The following ALDH5A1 variants were observed in gnomAD, a reference collection of about 807,000 sequenced individuals.
ALDH5A1 encodes succinate-semialdehyde dehydrogenase, mitochondrial.
Under a neutral mutation model 54.7 loss-of-function variants are expected in ALDH5A1, and 33 were observed. The ratio of observed to expected loss-of-function variants is 0.60; its 90% CI spans 0.46 to 0.81. The LOEUF is 0.81. Ranked by LOEUF, ALDH5A1 falls within the 30% of genes least tolerant of loss-of-function variation. The probability of loss-of-function intolerance (pLI) is 0.00; values close to 1 mark genes in which losing one functional copy is unlikely to be tolerated. For missense variants in ALDH5A1, 657 were observed against 711.0 expected (o/e 0.92, Z 0.86); for synonymous variants, 294 against 292.7 (o/e 1.00, Z -0.05).
chr6:24,507,519 T>A (rs918998827), intron 4 of ALDH5A1, among the ~76,000 whole-genome samples: 3 of 152,078 alleles, frequency 2.0e-5, no homozygotes, highest in Non-Finnish European at 4.4e-5. Flanking sequence ...CTAGAATATG[T>A]CTTTGTGATG....
chr6:24,525,223 T>G (rs1408525229), intron 7 of ALDH5A1, among the ~76,000 whole-genome samples: 1 of 152,178 alleles, frequency 6.6e-6, no homozygotes, highest in Non-Finnish European at 1.5e-5. Context: ...GGGGTATTTT[T>G]GTTAAGTAGA....
chr6:24,501,910 TGTGG>T, intron 1 of ALDH5A1, among the ~76,000 whole-genome samples: 2 of 147,950 alleles, frequency 1.4e-5, no homozygotes, highest in Non-Finnish European at 3.0e-5. Flanking sequence ...TGTGTGTGTG[TGTGG>T]GTGTATATAT....
chr6:24,529,762 C>G (rs185994611), intron 8 of ALDH5A1, among the ~76,000 whole-genome samples: 8,032 of 123,602 alleles, frequency 0.065, 274 homozygotes, highest in African/African-American at 0.079. Flanking sequence ...ACCTCTGCCT[C>G]TTGGGTTCAA....
At chr6:24,530,280 T>A (rs1759908931) in intron 8 of ALDH5A1, among the ~76,000 whole-genome samples, 1 of 152,222 alleles carries the variant, frequency 6.6e-6, no homozygotes, top group African/African-American at 2.4e-5. Flanking sequence ...CCATCCCTGA[T>A]ATCTCCAGTG....
At position 24,535,998 on chromosome 6, in the gene ALDH5A1, A is replaced by C. The variant is rs925001727; in HGVS notation, c.*2286A>C. ...ATGGGTTCATAAATTGAGGCCAGAG[A>C]CTCATTGTATATCCTTGATCAATTT... On this transcript the variant is annotated 3_prime_UTR_variant, in exon 10 of 10. Coordinates refer to ENST00000357578, the MANE Select transcript of ALDH5A1 (RefSeq NM_001080.3). 2 of 152,120 alleles carry C rather than the reference A, an allele frequency of 1.3e-5. No individual in the cohort carries two copies. The highest frequency in any genetic ancestry group is 4.8e-5 in the African/African-American group (2 of 41,432). The allele number at this position is 152,120 out of a possible 1,614,324, so 9.4% of individuals were successfully genotyped here.
intron 1 of ALDH5A1, among the ~76,000 whole-genome samples, chr6:24,499,813 C>G (rs192679190): frequency 5.5e-4 from 83 of 152,226 alleles, no homozygotes; most frequent in African/African-American, 2.0e-3. Flanking sequence ...CGCCTGCCAC[C>G]ATGCCCGGGT....
At chr6:24,515,097 C>CTTTTATTTTTTTTTTTTTTTT in intron 4 of ALDH5A1, 70 bp from the exon 5 acceptor site, 2 of 1,311,226 alleles carry the variant, frequency 1.5e-6, no homozygotes, top group African/African-American at 1.9e-5. Context: ...ATTTATTTCT[C>CTTTTATTTTTTTTTTTTTTTT]TTTTCTTTTT....
At chr6:24,517,094 C>CT (rs1408849834) in intron 5 of ALDH5A1, among the ~76,000 whole-genome samples, 1 of 152,086 alleles carries the variant, frequency 6.6e-6, no homozygotes, top group Non-Finnish European at 1.5e-5. Flanking sequence ...GTAACCTCTG[C>CT]TTCCTGGGTT....
chr6:24,524,599 G>A (rs932262534), intron 7 of ALDH5A1, among the ~76,000 whole-genome samples: 3 of 152,162 alleles, frequency 2.0e-5, no homozygotes, highest in Non-Finnish European at 2.9e-5. Flanking sequence ...GGGAAGCCTC[G>A]AGGTTTGACA....
rs1193922749 is a variant in ALDH5A1, at chr6:24,533,490, C to T, written c.1403-17C>T. 1 of 1,613,336 alleles carries T rather than the reference C, an allele frequency of 6.2e-7. No individual in the cohort carries two copies. The highest frequency in any genetic ancestry group is 1.1e-5 in the South Asian group (1 of 91,050). On this transcript the variant is annotated splice_polypyrimidine_tract_variant and intron_variant, in intron 9 of 9. Coordinates refer to ENST00000357578, the MANE Select transcript of ALDH5A1 (RefSeq NM_001080.3). ...GACTCTTCTAAATGCCATATATGTC[C>T]TTTTATCCTGTGACAGGTTATTTTT...
chr6:24,495,280 T>A lies in ALDH5A1; in HGVS notation c.284T>A (p.Val95Glu). The A allele has an allele frequency of 6.5e-7, 1 of 1,532,072 alleles. No homozygotes were observed. The highest frequency in any genetic ancestry group is 8.7e-7 in the Non-Finnish European group (1 of 1,146,062). The allele number at this position is 1,532,072 out of a possible 1,614,324, so 94.9% of individuals were successfully genotyped here. A position where few individuals can be genotyped will look rare whatever the true frequency, so the allele number is the denominator to read the frequency against. Reference sequence around the variant, plus strand: ...CTGGGCATGGTAGCCGACTGCGGGGTGCGAGAGGCCCGCGCCGCCGTGCGC... The same window carrying A: ...CTGGGCATGGTAGCCGACTGCGGGGAGCGAGAGGCCCGCGCCGCCGTGCGC... ...AALGMVADCG[V>E]REARAAVRAA... is the part of the protein sequence containing the mutation. The change falls in exon 1 of 10, where the codon GTG becomes GAG. Residue 95 changes from valine (V) to glutamate (E), a missense_variant. Around this residue, in one of 2 missense-constraint regions of ALDH5A1, gnomAD observed 232 missense variants for 194.6 expected, o/e 1.19. Coordinates refer to ENST00000357578, the MANE Select transcript of ALDH5A1 (RefSeq NM_001080.3).
chr6:24,512,982 A>G (rs1288441935), intron 4 of ALDH5A1, among the ~76,000 whole-genome samples: 1 of 151,638 alleles, frequency 6.6e-6, no homozygotes, highest in Non-Finnish European at 1.5e-5. Flanking sequence ...GAGCCACCGC[A>G]CCTGGCCCAG....
rs143741652 is a variant in ALDH5A1 at position 24,528,039 on chromosome 6, G to A, written c.1216G>A (p.Val406Ile). 44 of 1,613,988 alleles carry A rather than the reference G, an allele frequency of 2.7e-5. 1 individual carries two copies. The highest frequency in any genetic ancestry group is 3.3e-4 in the Middle Eastern group (2 of 6,082). Residue 406 changes from valine to isoleucine, a missense_variant, in exon 8 of 10, where the codon GTT becomes ATT. Coordinates refer to ENST00000357578, the MANE Select transcript of ALDH5A1 (RefSeq NM_001080.3). ...TGATGCCGTTTCTAAAGGTGCCACC[G>A]TTGTGACAGGTGGAAAACGACACCA... is the stretch of plus-strand genomic sequence containing the variant. ...VNDAVSKGATVVTGGKRHQLG... is the reference protein window; with the variant it reads ...VNDAVSKGATIVTGGKRHQLG...
rs1759428959 is a variant in ALDH5A1, at chr6:24,509,865, G to C, written c.726+4880G>C. ...CTGGGTTTGGGTTTGGTTTGTTCTT[G>C]TTTCTCTAGTTCTTTGAGGTGGGAC... On this transcript the variant is annotated intron_variant, in intron 4 of 9. Transcript: ENST00000357578. This position sits in a 1 kb window ranked among gnomAD's most constrained non-coding sequence, Gnocchi z 4.7. 6.6e-6 allele frequency among the ~76,000 whole-genome samples: 1 copy of C among 151,994 alleles called. No homozygotes were observed. The highest frequency in any genetic ancestry group is 2.4e-5 in the African/African-American group (1 of 41,464).
At chr6:24,505,008 G>A in intron 4 of ALDH5A1, 23 bp downstream of exon 4, 1 of 1,609,788 alleles carries the variant, frequency 6.2e-7, no homozygotes, top group Non-Finnish European at 8.5e-7. Flanking sequence ...CCCTGTGTTT[G>A]TACAAAGCAG....
Position 24,508,392 on chromosome 6 carries a change from T to TAAA in ALDH5A1, c.726+3409_726+3410insAAA, listed in dbSNP as rs1561871767. 7.6e-3 allele frequency among the ~76,000 whole-genome samples: 105 copies of TAAA among 13,868 alleles called. 15 individuals are homozygous for TAAA. The highest frequency in any genetic ancestry group is 0.017 in the African/African-American group (97 of 5,618). The allele number at this position is 13,868 out of a possible 152,430, so 9.1% of individuals were successfully genotyped here. Reference sequence around the variant, plus strand: ...AAAAAAAAAAAAAAAAAAAAAAGATTAATAGTCTCTAATCCTCTAATCTCA... The same window carrying TAAA: ...AAAAAAAAAAAAAAAAAAAAAAGATTAAAAATAGTCTCTAATCCTCTAATCTCA... On this transcript the variant is annotated intron_variant, in intron 4 of 9. Coordinates refer to ENST00000357578, the MANE Select transcript of ALDH5A1 (RefSeq NM_001080.3).
Position 24,526,962 on chromosome 6 carries a change from A to ATTCTATATATATCTAC in ALDH5A1, c.1174-1034_1174-1033insTCTATATATATCTACT, listed in dbSNP as rs1561878624. Among the ~76,000 whole-genome samples the ATTCTATATATATCTAC allele has an allele frequency of 6.4e-3, 70 of 10,880 alleles. 2 individuals are homozygous for ATTCTATATATATCTAC. The highest frequency in any genetic ancestry group is 0.014 in the African/African-American group (68 of 4,934). 7.1% of individuals were successfully genotyped at this position (10,880 alleles called of 152,430 possible). A position where few individuals can be genotyped will look rare whatever the true frequency, so the allele number is the denominator to read the frequency against. Reference sequence around the variant, plus strand: ...TTCTATATATATATCTAATATATATATATGTGTGTGTGTATATATATATAT... The same window carrying ATTCTATATATATCTAC: ...TTCTATATATATATCTAATATATATATTCTATATATATCTACTATGTGTGTGTGTATATATATATAT... On this transcript the variant is annotated intron_variant, in intron 7 of 9. Transcript: ENST00000357578.
rs36013748 is a variant in ALDH5A1 at position 24,503,024 on chromosome 6, AG to A, written c.439-238del. On this transcript the variant is annotated intron_variant, in intron 2 of 9. Transcript: ENST00000357578. ...AAGATATTGAAAGGAGGAAAAAATT[AG>A]ATGTTTCCTAATTTGTAAACATATT... is the stretch of plus-strand genomic sequence containing the variant. 0.23 allele frequency among the ~76,000 whole-genome samples: 34,558 copies of A among 151,994 alleles called. 4,303 individuals carry two copies. The highest frequency in any genetic ancestry group is 0.28 in the Non-Finnish European group (18,993 of 67,960).
chr6:24,508,361 C>CAAAAAAAAAA lies in ALDH5A1; in HGVS notation c.726+3394_726+3403dup, dbSNP rs1214819272. On this transcript the variant is annotated intron_variant, in intron 4 of 9. Transcript: ENST00000357578. ...AGGTGACAGAGCAAGACTCCATCTC[C>CAAAAAAAAAA]AAAAAAAAAAAAAAAAAAAAAAAAA... Among the ~76,000 whole-genome samples the CAAAAAAAAAA allele has an allele frequency of 3.1e-3, 40 of 13,064 alleles. 3 individuals are homozygous for CAAAAAAAAAA. The highest frequency in any genetic ancestry group is 8.2e-3 in the African/African-American group (33 of 4,028). 8.6% of individuals were successfully genotyped at this position (13,064 alleles called of 152,430 possible).
Sources: gnomAD v4.1 joint callset for allele counts (sites outside exome capture counted in the v4.1 genomes callset) on GRCh38, gnomAD v4.1.1 for gene constraint, gnomAD v4.1.1 regional missense constraint, Gnocchi (gnomAD v3.1) non-coding constraint, MANE v1.5 for transcripts, NCBI Gene and HGNC (gene_info 2026-07-23, HGNC 2026-07-21) for gene names.